KLHL24: variants seen among roughly 807,000 people sequenced by gnomAD.
KLHL24 encodes kelch like family member 24.
A neutral mutation model predicts 53.4 loss-of-function variants in KLHL24; 29 were observed. The observed-to-expected ratio is 0.54, with a 90% CI of 0.40 to 0.74. KLHL24 has a LOEUF of 0.74. Ranked by LOEUF, KLHL24 falls within the 30% of genes least tolerant of loss-of-function variation. The probability of loss-of-function intolerance (pLI) is 0.00; values close to 1 mark genes in which losing one functional copy is unlikely to be tolerated. For missense variants in KLHL24, 504 were observed against 744.0 expected (o/e 0.68, Z 3.75); for synonymous variants, 222 against 253.7 (o/e 0.88, Z 1.19).
intron 2 of KLHL24, among the ~76,000 whole-genome samples, chr3:183,648,265 A>G (rs1046512426): frequency 6.6e-6 from 1 of 152,186 alleles, no homozygotes; most frequent in South Asian, 2.1e-4. Flanking sequence ...AACATGAAAA[A>G]GAAGAGAATA....
At chr3:183,677,685 G>GA (rs971625886) in intron 7 of KLHL24, among the ~76,000 whole-genome samples, 2 of 152,172 alleles carry the variant, frequency 1.3e-5, no homozygotes, top group African/African-American at 4.8e-5. Flanking sequence ...ATAACTCTCT[G>GA]AATTAAAGTG....
chr3:183,637,478 G>A (rs752643309), intron 1 of KLHL24, among the ~76,000 whole-genome samples: 5 of 152,152 alleles, frequency 3.3e-5, no homozygotes, highest in Non-Finnish European at 5.9e-5. Context: ...CGACTGTGTC[G>A]TTTTAAAATT....
chr3:183,645,642 CAG>C (rs985996032), intron 2 of KLHL24, among the ~76,000 whole-genome samples: 123 of 152,106 alleles, frequency 8.1e-4, no homozygotes, highest in Middle Eastern at 6.8e-3. Flanking sequence ...ATTTTAAACT[CAG>C]ATATATTTTT....
At chr3:183,667,464 C>G (rs2108859393) in intron 5 of KLHL24, among the ~76,000 whole-genome samples, 1 of 152,264 alleles carries the variant, frequency 6.6e-6, no homozygotes, top group Admixed American at 6.5e-5. Context: ...CCTGTCAGAT[C>G]AGCGCACATT....
At chr3:183,676,207 T>C (rs566312981) in intron 7 of KLHL24, among the ~76,000 whole-genome samples, 1 of 152,338 alleles carries the variant, frequency 6.6e-6, no homozygotes, top group South Asian at 2.1e-4. Flanking sequence ...GTGATTCTCC[T>C]GCCTCAGTCT....
At chr3:183,658,289 G>A (rs1719208679) in intron 3 of KLHL24, among the ~76,000 whole-genome samples, 1 of 151,944 alleles carries the variant, frequency 6.6e-6, no homozygotes, top group Admixed American at 6.6e-5. Flanking sequence ...GTAGGGTACA[G>A]CACTCACAGT....
intron 7 of KLHL24, 90 bp downstream of exon 7, chr3:183,672,574 A>T (rs1217038295): frequency 1.0e-6 from 1 of 991,316 alleles, no homozygotes; most frequent in East Asian, 2.9e-5. Flanking sequence ...TCAATTTTAA[A>T]ATATTTCAGG....
chr3:183,659,750 GT>G (rs1719440930), intron 3 of KLHL24, among the ~76,000 whole-genome samples: 1 of 132,320 alleles, frequency 7.6e-6, no homozygotes, highest in African/African-American at 3.2e-5. Flanking sequence ...TAGGTTTGGG[GT>G]TGACATATTA....
chr3:183,662,692 A>G (rs1437409103), intron 3 of KLHL24, among the ~76,000 whole-genome samples: 1 of 152,182 alleles, frequency 6.6e-6, no homozygotes, highest in African/African-American at 2.4e-5. Flanking sequence ...TGTTTTTTGC[A>G]TTCTAAAAAT....
Position 183,659,414 on chromosome 3 carries a change from A to G in KLHL24, c.921-4044A>G, listed in dbSNP as rs146696969. ...TAGCTGGGCATGGTGGTGCATGCCT[A>G]TAATCCCAGCTGCTGCAGAGACTGA... On this transcript the variant is annotated intron_variant, in intron 3 of 7. Transcript: ENST00000242810. Among the ~76,000 whole-genome samples the G allele has an allele frequency of 9.1e-4, 138 of 152,270 alleles. 3 individuals carry two copies. In the South Asian group the frequency reaches 0.01, roughly 11 times the overall value.
At chr3:183,639,450 G>GTA (rs1715956209) in intron 1 of KLHL24, among the ~76,000 whole-genome samples, 2 of 151,672 alleles carry the variant, frequency 1.3e-5, no homozygotes, top group Non-Finnish European at 2.9e-5. Flanking sequence ...CTAACACGGA[G>GTA]AAACCCCGTC....
At chr3:183,674,294 TCTTTCTTTC>T (rs1245701731) in intron 7 of KLHL24, among the ~76,000 whole-genome samples, 3 of 150,356 alleles carry the variant, frequency 2.0e-5, no homozygotes, top group African/African-American at 7.4e-5. Context: ...TTTCTTTCTT[TCTTTCTTTC>T]CTTTCTTCCT....
intron 3 of KLHL24, among the ~76,000 whole-genome samples, chr3:183,656,480 T>G (rs1223112711): frequency 6.6e-6 from 1 of 152,194 alleles, no homozygotes; most frequent in East Asian, 1.9e-4. Flanking sequence ...TATTAATACT[T>G]AGATGCATGT....
At chr3:183,666,319 T>A (rs755055095) in intron 5 of KLHL24, among the ~76,000 whole-genome samples, 5 of 152,132 alleles carry the variant, frequency 3.3e-5, no homozygotes, top group Non-Finnish European at 5.9e-5. Flanking sequence ...TGGAGTACAG[T>A]GGTGCCATCA....
rs1718077671 is a variant in KLHL24 at position 183,651,287 on chromosome 3, T to C, written c.920+11T>C. 1.9e-6 allele frequency: 3 copies of C among 1,595,700 alleles called. No homozygotes were observed. The highest frequency in any genetic ancestry group is 2.6e-6 in the Non-Finnish European group (3 of 1,169,500). ...GACTAGGCCACGCAGGTGAGAAGAC[T>C]GTTTTCAAATATAGTTAACAAAAGT... On this transcript the variant is annotated intron_variant, in intron 3 of 7. Transcript: ENST00000242810.
intron 7 of KLHL24, among the ~76,000 whole-genome samples, chr3:183,673,960 T>C (rs1721717422): frequency 6.6e-6 from 1 of 152,208 alleles, no homozygotes; most frequent in African/African-American, 2.4e-5. Context: ...TTATTTGATA[T>C]TTTACATGGG....
At chr3:183,659,514 A>C (rs1352435661) in intron 3 of KLHL24, among the ~76,000 whole-genome samples, 1 of 152,246 alleles carries the variant, frequency 6.6e-6, no homozygotes, top group Non-Finnish European at 1.5e-5. Flanking sequence ...CTTGAGCAAC[A>C]GAGTGAGACT....
At chr3:183,678,641 A>G (rs1358467291) in intron 7 of KLHL24, among the ~76,000 whole-genome samples, 2 of 151,952 alleles carry the variant, frequency 1.3e-5, no homozygotes, top group Non-Finnish European at 1.5e-5. Flanking sequence ...CCTAGTACCC[A>G]TTAATTTTCC....
intron 3 of KLHL24, among the ~76,000 whole-genome samples, chr3:183,658,698 G>T (rs539679106): frequency 6.6e-6 from 1 of 152,146 alleles, no homozygotes; most frequent in South Asian, 2.1e-4. Context: ...GCCTACTTCT[G>T]CACTCCTTTG....
Sources: allele counts gnomAD v4.1 joint callset (sites outside exome capture counted in the v4.1 genomes callset), GRCh38; gene constraint gnomAD v4.1.1; transcripts MANE v1.5; gene names NCBI Gene and HGNC (gene_info 2026-07-23, HGNC 2026-07-21).